The following C3orf20 variants were observed in gnomAD, a reference collection of about 807,000 sequenced individuals.
C3orf20 encodes uncharacterized protein C3orf20.
C3orf20 carries 76 observed loss-of-function variants against 88.3 expected under a neutral mutation model. That is an observed-to-expected ratio of 0.86 (90% CI 0.72 to 1.04). The LOEUF is 1.04. Ranked by LOEUF, C3orf20 falls within the 50% of genes least tolerant of loss-of-function variation. C3orf20 has a pLI of 0.00. For synonymous variants in C3orf20, 436 were observed against 437.4 expected, an observed-to-expected ratio of 1.00 and a Z score of 0.04; for missense variants, 1,056 against 1,123.3, an observed-to-expected ratio of 0.94 and a Z score of 0.86.
intron 6 of C3orf20, among the ~76,000 whole-genome samples, chr3:14,704,095 T>C (rs2033394998): frequency 6.6e-6 from 1 of 152,094 alleles, no homozygotes. Flanking sequence ...TCCTACTCCA[T>C]AGGTCCTCAC....
intron 15 of C3orf20, chr3:14,764,907 A>T (rs2035662066): frequency 6.6e-6 from 1 of 152,410 alleles, no homozygotes; most frequent in East Asian, 1.9e-4. Flanking sequence ...GGAATTAGAC[A>T]CCACCTCTTG....
intron 4 of C3orf20, among the ~76,000 whole-genome samples, chr3:14,685,460 T>C (rs912365074): frequency 7.2e-6 from 1 of 139,014 alleles, no homozygotes; most frequent in Non-Finnish European, 1.5e-5. Flanking sequence ...CTCTCTCTGT[T>C]TCTCTCTCTC....
intron 1 of C3orf20, among the ~76,000 whole-genome samples, chr3:14,678,691 C>G (rs1302639982): frequency 6.6e-6 from 1 of 152,138 alleles, no homozygotes; most frequent in Non-Finnish European, 1.5e-5. Flanking sequence ...TGCGTGGGTC[C>G]CTTAGGCTAT....
At chr3:14,683,274 G>T (rs1398063940) in intron 3 of C3orf20, 77 bp downstream of exon 3, 43 of 1,495,652 alleles carry the variant, frequency 2.9e-5, no homozygotes, top group Non-Finnish European at 3.5e-5. Context: ...GCTGGGAACA[G>T]GTGGCAACTG....
chr3:14,705,736 C>T (rs1293139477), intron 7 of C3orf20, among the ~76,000 whole-genome samples: 1 of 152,126 alleles, frequency 6.6e-6, no homozygotes, highest in Non-Finnish European at 1.5e-5. Flanking sequence ...GCACTTATTC[C>T]AGGTTACACA....
chr3:14,730,059 A>G (rs1261363647), intron 12 of C3orf20, among the ~76,000 whole-genome samples: 2 of 152,156 alleles, frequency 1.3e-5, no homozygotes, highest in Non-Finnish European at 2.9e-5. Flanking sequence ...CAAATGACCA[A>G]TCTCACCCTC....
At chr3:14,758,340 A>C (rs1387409056) in intron 13 of C3orf20, among the ~76,000 whole-genome samples, 1 of 152,182 alleles carries the variant, frequency 6.6e-6, no homozygotes, top group African/African-American at 2.4e-5. Flanking sequence ...AGCACTGCTC[A>C]AGGTCCCAGC....
chr3:14,760,442 A>C (rs1490130077), intron 14 of C3orf20, among the ~76,000 whole-genome samples: 2 of 152,198 alleles, frequency 1.3e-5, no homozygotes, highest in African/African-American at 2.4e-5. Context: ...TGGCACCTGC[A>C]AGGGCCACCA....
intron 12 of C3orf20, among the ~76,000 whole-genome samples, chr3:14,743,018 G>GC (rs569248263): frequency 9.7e-4 from 147 of 151,878 alleles, no homozygotes; most frequent in Non-Finnish European, 1.7e-3. Flanking sequence ...TCCACCCGTG[G>GC]CCCCCCTAAA....
chr3:14,748,451 T>C (rs560481576), intron 12 of C3orf20, among the ~76,000 whole-genome samples: 10 of 152,170 alleles, frequency 6.6e-5, no homozygotes, highest in Non-Finnish European at 1.2e-4. Context: ...CTTTATTTAT[T>C]TACCTTGACT....
chr3:14,693,499 A>T (rs2032830210), intron 5 of C3orf20, among the ~76,000 whole-genome samples: 1 of 152,082 alleles, frequency 6.6e-6, no homozygotes, highest in South Asian at 2.1e-4. Context: ...CAGACTGTCC[A>T]CTGTTGGCAT....
intron 15 of C3orf20, among the ~76,000 whole-genome samples, chr3:14,765,998 C>G (rs564564037): frequency 1.2e-4 from 19 of 152,318 alleles, no homozygotes; most frequent in African/African-American, 4.3e-4. Flanking sequence ...GAGGGCCTGC[C>G]AGGCCAAAAA....
Position 14,772,808 on chromosome 3 carries a change from T to A in C3orf20, c.2648T>A (p.Val883Glu). 6.2e-7 allele frequency: 1 copy of A among 1,613,824 alleles called. No individual in the cohort carries two copies. Among genetic ancestry groups the A allele is most frequent in the Non-Finnish European group, 8.5e-7 (1 of 1,179,756 alleles). ...ATCTTTAGGACAAGAGAGCCTGAAG[T>A]GGAGCTACATCCTCTCAGCAGGGAC... ...LEAEKTREPE[V>E]ELHPLSRDSK... Residue 883 changes from valine to glutamate, a missense_variant, in exon 17 of 17, where the codon GTG becomes GAG. Physicochemically the swap from Val to Glu is moderately radical, Grantham distance 121 (BLOSUM62 -2). Transcript: ENST00000253697. This position sits in a 1 kb window ranked among gnomAD's most constrained non-coding sequence, Gnocchi z 4.2.
At chr3:14,759,780 T>G in intron 13 of C3orf20, 111 bp from the exon 14 acceptor site, 1 of 811,154 alleles carries the variant, frequency 1.2e-6, no homozygotes, top group Non-Finnish European at 2.1e-6. Context: ...GGAGAGGGAG[T>G]TGTACAGGGC....
Position 14,744,475 on chromosome 3 carries a change from G to T in C3orf20, c.1941-12896G>T, listed in dbSNP as rs1209036379. 5.9e-5 allele frequency among the ~76,000 whole-genome samples: 9 copies of T among 151,884 alleles called. No homozygotes were observed. In the East Asian group the frequency reaches 1.7e-3, roughly 29 times the overall value. Reference sequence around the variant, plus strand: ...TGTCTTCTTCTGAGCCCTTCAAACTGTTCCAACCTTTGTCTGTTACCCAGT... The same window carrying T: ...TGTCTTCTTCTGAGCCCTTCAAACTTTTCCAACCTTTGTCTGTTACCCAGT... On this transcript the variant is annotated intron_variant, in intron 12 of 16. Coordinates refer to ENST00000253697, the MANE Select transcript of C3orf20 (RefSeq NM_032137.5).
At chr3:14,721,017 C>G (rs531675620) in intron 9 of C3orf20, among the ~76,000 whole-genome samples, 4 of 152,356 alleles carry the variant, frequency 2.6e-5, no homozygotes, top group East Asian at 1.9e-4. Context: ...AAGCTCCAAT[C>G]TAGTACTGCT....
At chr3:14,726,877 G>T in intron 10 of C3orf20, 24 bp from the exon 11 acceptor site, 1 of 1,613,190 alleles carries the variant, frequency 6.2e-7, no homozygotes, top group South Asian at 1.1e-5. Context: ...GGTGACACCC[G>T]CCCTCCCCTT....
chr3:14,761,593 C>T lies in C3orf20; in HGVS notation c.2473C>T (p.Leu825=). The T allele has an allele frequency of 6.2e-7, 1 of 1,614,068 alleles. No homozygotes were observed. The highest frequency in any genetic ancestry group is 8.5e-7 in the Non-Finnish European group (1 of 1,180,024). ...SQQDYKMGYF[L]PDDYKFSVPN... ...ACAGGATTACAAGATGGGCTACTTC[C>T]TGCCGGATGACTACAAATTCAGGTA... Residue 825 remains leucine (L), a synonymous_variant, in exon 15 of 17, where the codon CTG becomes TTG. Coordinates refer to ENST00000253697, the MANE Select transcript of C3orf20 (RefSeq NM_032137.5).
At chr3:14,717,396 G>A (rs577775517) in intron 9 of C3orf20, among the ~76,000 whole-genome samples, 1 of 152,296 alleles carries the variant, frequency 6.6e-6, no homozygotes, top group African/African-American at 2.4e-5. Context: ...TAGCATGGGG[G>A]TGAGTGTGTG....
Sources: allele counts gnomAD v4.1 joint callset (sites outside exome capture counted in the v4.1 genomes callset), GRCh38; gene constraint gnomAD v4.1.1; non-coding constraint Gnocchi (gnomAD v3.1); transcripts MANE v1.5; gene names NCBI Gene and HGNC (gene_info 2026-07-23, HGNC 2026-07-21).